The following PTBP3 variants were observed in gnomAD, a reference collection of about 807,000 sequenced individuals.
PTBP3 encodes polypyrimidine tract-binding protein 3.
Under a neutral mutation model 58.7 loss-of-function variants are expected in PTBP3, and 20 were observed. The ratio of observed to expected loss-of-function variants is 0.34; its 90% CI spans 0.24 to 0.50. The LOEUF (loss-of-function observed/expected upper bound fraction) is 0.50, where lower values mean the gene tolerates loss of function less well. Among genes scored for constraint, PTBP3 ranks in the 20% least tolerant of loss-of-function variants. PTBP3 has a pLI of 0.98. For synonymous variants in PTBP3, 185 were observed against 219.8 expected (o/e 0.84, Z 1.40); for missense variants, 509 against 637.2 (o/e 0.80, Z 2.17).
chr9:112,316,944 G>A (rs1331889384), intron 1 of PTBP3, among the ~76,000 whole-genome samples: 1 of 146,364 alleles, frequency 6.8e-6, no homozygotes, highest in Admixed American at 6.9e-5. Context: ...TGCACTCCAG[G>A]TTGGGCGACA....
At chr9:112,241,476 G>A (rs915675360) in intron 7 of PTBP3, among the ~76,000 whole-genome samples, 2 of 152,162 alleles carry the variant, frequency 1.3e-5, no homozygotes, top group Admixed American at 6.5e-5. Context: ...CATAGGAAGT[G>A]CCCTATACAG....
intron 2 of PTBP3, among the ~76,000 whole-genome samples, chr9:112,289,589 T>TGG (rs1828287635): frequency 6.6e-6 from 1 of 152,154 alleles, no homozygotes; most frequent in African/African-American, 2.4e-5. Flanking sequence ...GAGGCCATCC[T>TGG]GGGGAACACA....
At chr9:112,232,009 G>T (rs1358769056) in intron 9 of PTBP3, 90 bp downstream of exon 9, 2 of 741,784 alleles carry the variant, frequency 2.7e-6, no homozygotes, top group African/African-American at 4.2e-5. Context: ...GAGAAGAGAA[G>T]AGAAGAGAAG....
chr9:112,345,373 A>AAAAAAGG, the PTBP3 span, among the ~76,000 whole-genome samples: 1 of 76,154 alleles, frequency 1.3e-5, no homozygotes, highest in African/African-American at 6.8e-5. Flanking sequence ...AAAAAAAAGG[A>AAAAAAGG]AAAAAAATTT....
intron 2 of PTBP3, among the ~76,000 whole-genome samples, chr9:112,289,989 A>G (rs1828309057): frequency 1.3e-5 from 2 of 152,250 alleles, no homozygotes; most frequent in South Asian, 4.1e-4. Context: ...AAATGTTAAC[A>G]TTAATCAATT....
chr9:112,358,718 A>G, the PTBP3 span, among the ~76,000 whole-genome samples: 1 of 152,248 alleles, frequency 6.6e-6, no homozygotes, highest in Non-Finnish European at 1.5e-5. Context: ...TGAGGCCAAG[A>G]GTTCAAGTCC....
the PTBP3 span, among the ~76,000 whole-genome samples, chr9:112,354,752 AT>A: frequency 6.6e-6 from 1 of 152,226 alleles, no homozygotes; most frequent in Non-Finnish European, 1.5e-5. Flanking sequence ...TGGGGGCCTG[AT>A]TTTTAAGCTA....
chr9:112,270,006 G>A (rs1244453526), intron 3 of PTBP3, among the ~76,000 whole-genome samples: 2 of 150,622 alleles, frequency 1.3e-5, no homozygotes, highest in Non-Finnish European at 2.9e-5. Flanking sequence ...GTGCAGTGGC[G>A]TCATCTCGGC....
At chr9:112,367,983 T>C in the PTBP3 span, among the ~76,000 whole-genome samples, 2 of 152,288 alleles carry the variant, frequency 1.3e-5, no homozygotes, top group African/African-American at 4.8e-5. Flanking sequence ...TCAGTTTTTT[T>C]TTCTTTTTGT....
intron 7 of PTBP3, among the ~76,000 whole-genome samples, chr9:112,247,518 AAAC>A (rs1298212996): frequency 6.6e-6 from 1 of 150,496 alleles, no homozygotes; most frequent in African/African-American, 2.5e-5. Context: ...AGCCTGGTTG[AAAC>A]AACAAGACTC....
At chr9:112,302,175 G>A (rs1828963193) in intron 1 of PTBP3, among the ~76,000 whole-genome samples, 1 of 151,970 alleles carries the variant, frequency 6.6e-6, no homozygotes, top group South Asian at 2.1e-4. Context: ...TCAATTGACA[G>A]CAAATAGCTT....
At chr9:112,314,946 C>T (rs1349101765) in intron 1 of PTBP3, among the ~76,000 whole-genome samples, 1 of 151,996 alleles carries the variant, frequency 6.6e-6, no homozygotes, top group Non-Finnish European at 1.5e-5. Context: ...ATTCTCCTGC[C>T]TCAGCCTCCC....
At chr9:112,243,408 G>T (rs1202566053) in intron 7 of PTBP3, among the ~76,000 whole-genome samples, 1 of 152,108 alleles carries the variant, frequency 6.6e-6, no homozygotes, top group Admixed American at 6.5e-5. Flanking sequence ...TAGACGTGGT[G>T]GCAGGCACCT....
At chr9:112,237,272 C>T (rs1320239291) in intron 7 of PTBP3, among the ~76,000 whole-genome samples, 2 of 152,068 alleles carry the variant, frequency 1.3e-5, no homozygotes, top group Admixed American at 6.5e-5. Context: ...GAAACAGAAA[C>T]ATCATATAGC....
Position 112,220,760 on chromosome 9 carries a change from T to C in PTBP3, c.*3091A>G, listed in dbSNP as rs964577993. The C allele has an allele frequency of 3.0e-6, 3 of 983,854 alleles. No individual in the cohort carries two copies. Among genetic ancestry groups the C allele is most frequent in the Non-Finnish European group, 3.6e-6 (3 of 828,424 alleles). The allele number at this position is 983,854 out of a possible 1,614,324, so 60.9% of individuals were successfully genotyped here. On this transcript the variant is annotated 3_prime_UTR_variant, in exon 14 of 14. Transcript: ENST00000374257. ...ATTCAAATCTCAAAGTAAATCATTT[T>C]GGTGTAATTCGCTACTGTTAAATGT...
chr9:112,271,285 T>TA (rs1009012816), intron 3 of PTBP3, among the ~76,000 whole-genome samples: 3 of 152,206 alleles, frequency 2.0e-5, no homozygotes, highest in African/African-American at 7.2e-5. Context: ...ATATTTGCCT[T>TA]AGATACTTAC....
chr9:112,307,672 T>C (rs1000956170), intron 1 of PTBP3, among the ~76,000 whole-genome samples: 28 of 152,216 alleles, frequency 1.8e-4, no homozygotes, highest in African/African-American at 6.5e-4. Context: ...ATAATTCTGA[T>C]AACCACAATT....
chr9:112,257,339 A>G (rs1463682808), intron 5 of PTBP3, among the ~76,000 whole-genome samples: 1 of 152,234 alleles, frequency 6.6e-6, no homozygotes, highest in Non-Finnish European at 1.5e-5. Flanking sequence ...CATAATTATC[A>G]AAATAGCAAA....
At chr9:112,283,095 G>C (rs916696532) in intron 2 of PTBP3, among the ~76,000 whole-genome samples, 7 of 152,184 alleles carry the variant, frequency 4.6e-5, no homozygotes, top group Non-Finnish European at 1.5e-5. Context: ...GAAACTATGA[G>C]TCAATTAAAC....
Sources: allele counts gnomAD v4.1 joint callset (sites outside exome capture counted in the v4.1 genomes callset), GRCh38; gene constraint gnomAD v4.1.1; transcripts MANE v1.5; gene names NCBI Gene and HGNC (gene_info 2026-07-23, HGNC 2026-07-21).